The following TTC3 variants were observed in gnomAD, a reference collection of about 807,000 sequenced individuals.
The protein encoded by TTC3 is E3 ubiquitin-protein ligase TTC3.
In TTC3, 180 loss-of-function variants were observed where a neutral mutation model predicts 249.6. The observed-to-expected ratio is 0.72, with a 90% CI of 0.64 to 0.82. The LOEUF (loss-of-function observed/expected upper bound fraction) is 0.82. Ranked by LOEUF, TTC3 falls within the 40% of genes least tolerant of loss-of-function variation. The pLI is 0.00. For missense variants in TTC3, 2,061 were observed against 2,398.4 expected, an observed-to-expected ratio of 0.86 and a Z score of 2.94; for synonymous variants, 717 against 805.0, an observed-to-expected ratio of 0.89 and a Z score of 1.85.
At chr21:37,108,511 A>G in intron 11 of TTC3, 65 bp downstream of exon 11, 1 of 1,458,614 alleles carries the variant, frequency 6.9e-7, no homozygotes, top group Non-Finnish European at 9.4e-7. Flanking sequence ...AAATCTGTTT[A>G]TAGGGTGTGT....
intron 10 of TTC3, chr21:37,097,816 A>C: frequency 2.8e-5 from 15 of 541,034 alleles, no homozygotes; most frequent in East Asian, 3.2e-5. Flanking sequence ...TTTTCAGTGA[A>C]AGCGCTTGTA....
At chr21:37,155,889 A>AC (rs2080013611) in intron 27 of TTC3, among the ~76,000 whole-genome samples, 2 of 152,082 alleles carry the variant, frequency 1.3e-5, no homozygotes, top group Non-Finnish European at 2.9e-5. Context: ...GAATGGGTTT[A>AC]CCCATTTCCT....
At chr21:37,184,020 G>C (rs1466322444) in intron 36 of TTC3, among the ~76,000 whole-genome samples, 1 of 152,132 alleles carries the variant, frequency 6.6e-6, no homozygotes, top group Admixed American at 6.5e-5. Flanking sequence ...TATGAGTCTT[G>C]CTAGCATTAC....
rs1455802036 is a variant in TTC3, at chr21:37,165,544, TCCAAG to T, written c.3336-5_3336-1del. 6.4e-7 allele frequency: 1 copy of T among 1,573,294 alleles called. No homozygotes were observed. Among genetic ancestry groups the T allele is most frequent in the Admixed American group, 2.0e-5 (1 of 50,512 alleles). On this transcript the variant is annotated splice_acceptor_variant and splice_polypyrimidine_tract_variant and intron_variant, in intron 32 of 45. Transcript: ENST00000355666. LOFTEE classifies it high-confidence loss of function. ...GTAACTCATGTAAATGTAAATTTTTTCCAAGTTACTTCTCTCAGTTTTTGGAGGAA... is the reference window on the plus strand; with the variant it reads ...GTAACTCATGTAAATGTAAATTTTTTTTACTTCTCTCAGTTTTTGGAGGAA...
At chr21:37,112,953 T>C (rs1013655673) in intron 11 of TTC3, among the ~76,000 whole-genome samples, 6 of 152,206 alleles carry the variant, frequency 3.9e-5, no homozygotes, top group African/African-American at 1.2e-4. Flanking sequence ...CATGATTATC[T>C]CAATAGATGC....
chr21:37,096,039 A>G (rs2073906752), intron 9 of TTC3, among the ~76,000 whole-genome samples: 1 of 152,238 alleles, frequency 6.6e-6, no homozygotes, highest in Admixed American at 6.5e-5. Context: ...GCATCTCCAC[A>G]GGGAATGAGG....
intron 29 of TTC3, 33 bp from the exon 30 acceptor site, chr21:37,160,769 G>T (rs1353404884): frequency 1.9e-6 from 3 of 1,608,320 alleles, no homozygotes; most frequent in South Asian, 1.1e-5. Flanking sequence ...GCTGTTATTT[G>T]AGTGTTCACT....
At chr21:37,193,173 G>A (rs898818721) in intron 41 of TTC3, among the ~76,000 whole-genome samples, 5 of 152,048 alleles carry the variant, frequency 3.3e-5, no homozygotes, top group Non-Finnish European at 7.4e-5. Flanking sequence ...CCTTTGCCTG[G>A]GCTGTTCCTA....
intron 25 of TTC3, 102 bp downstream of exon 25, chr21:37,150,986 GT>G: frequency 1.3e-6 from 1 of 743,122 alleles, no homozygotes; most frequent in Non-Finnish European, 2.2e-6. Context: ...AATTGGCTGT[GT>G]ATACATATAT....
chr21:37,155,920 G>T (rs2080018037), intron 27 of TTC3, among the ~76,000 whole-genome samples: 1 of 152,122 alleles, frequency 6.6e-6, no homozygotes, highest in Non-Finnish European at 1.5e-5. Flanking sequence ...CATTTGGGAA[G>T]ATTCTGCATA....
At chr21:37,171,511 G>A (rs546101898) in intron 34 of TTC3, among the ~76,000 whole-genome samples, 5 of 152,190 alleles carry the variant, frequency 3.3e-5, no homozygotes, top group Non-Finnish European at 5.9e-5. Flanking sequence ...CTTCCTGCCT[G>A]TCTCTGTTGG....
rs138547262 is a variant in TTC3 at position 37,151,972 on chromosome 21, G to C, written c.2356G>C (p.Glu786Gln). The change falls in exon 26 of 46, where the codon GAA (glutamate) becomes CAA (glutamine). Residue 786 changes from glutamate (E) to glutamine (Q), a missense_variant. Physicochemically the swap from Glu to Gln is conservative, Grantham distance 29 (BLOSUM62 2). Coordinates refer to ENST00000355666, the Ensembl canonical transcript of TTC3. Reference sequence around the variant, plus strand: ...AAAAGAAGCAAAAAAGTTAGCACAAGAAAGAATGGAGGAGGACTTAAGAGA... The same window carrying C: ...AAAAGAAGCAAAAAAGTTAGCACAACAAAGAATGGAGGAGGACTTAAGAGA... 1,571 of 1,606,516 alleles carry C rather than the reference G, an allele frequency of 9.8e-4. 1 individual carries two copies. Among genetic ancestry groups the C allele is most frequent in the Non-Finnish European group, 1.2e-3 (1,445 of 1,178,020 alleles).
chr21:37,075,021 A>G (rs1727496295), intron 1 of TTC3, among the ~76,000 whole-genome samples: 1 of 152,034 alleles, frequency 6.6e-6, no homozygotes. Flanking sequence ...CTCCTTTTCT[A>G]GAGATAGCCA....
chr21:37,142,073 AT>A (rs2078524301), intron 20 of TTC3, among the ~76,000 whole-genome samples: 1 of 152,236 alleles, frequency 6.6e-6, no homozygotes, highest in African/African-American at 2.4e-5. Context: ...AAAACTCTCA[AT>A]AAATTAGGTA....
At chr21:37,120,117 A>C (rs540047193) in intron 11 of TTC3, among the ~76,000 whole-genome samples, 1 of 152,342 alleles carries the variant, frequency 6.6e-6, no homozygotes, top group South Asian at 2.1e-4. Flanking sequence ...TGGAACTGAC[A>C]GTCCTGCTGT....
chr21:37,132,824 AC>A, intron 17 of TTC3, 58 bp downstream of exon 17: 2 of 1,358,526 alleles, frequency 1.5e-6, no homozygotes, highest in Non-Finnish European at 2.0e-6. Flanking sequence ...AACATTGTTC[AC>A]ATGAATAAGG....
chr21:37,181,287 GC>G (rs770080963), intron 35 of TTC3, among the ~76,000 whole-genome samples: 3 of 152,216 alleles, frequency 2.0e-5, no homozygotes, highest in Non-Finnish European at 4.4e-5. Flanking sequence ...AGGTTCTTAT[GC>G]CTCAGCATAA....
At position 37,088,186 on chromosome 21, in the gene TTC3, T is replaced by C; in HGVS notation, c.188-10T>C. On this transcript the variant is annotated splice_polypyrimidine_tract_variant and intron_variant, in intron 3 of 45. Transcript: ENST00000355666. ...ACAAACATTAATTTTAAACTTTTTT[T>C]TTAATTAAGAATTTGACATCTGCAG... is the stretch of plus-strand genomic sequence containing the variant. 1 of 1,541,136 alleles carries C rather than the reference T, an allele frequency of 6.5e-7. No individual in the cohort carries two copies. The highest frequency in any genetic ancestry group is 2.1e-5 in the Admixed American group (1 of 47,962).
At chr21:37,191,816 T>G (rs2084161496) in intron 40 of TTC3, among the ~76,000 whole-genome samples, 1 of 152,142 alleles carries the variant, frequency 6.6e-6, no homozygotes, top group Non-Finnish European at 1.5e-5. Flanking sequence ...GTCGATCTCC[T>G]GACCTCAGGT....
Sources: allele counts gnomAD v4.1 joint callset (sites outside exome capture counted in the v4.1 genomes callset), GRCh38; gene constraint gnomAD v4.1.1; transcripts MANE v1.5; gene names NCBI Gene and HGNC (gene_info 2026-07-23, HGNC 2026-07-21).